The following DOP1A variants were observed in gnomAD, a reference collection of about 807,000 sequenced individuals.
The protein encoded by DOP1A is protein DOP1A.
Under a neutral mutation model 267.6 loss-of-function variants are expected in DOP1A, and 90 were observed. The ratio of observed to expected loss-of-function variants is 0.34; its 90% CI spans 0.28 to 0.40. The LOEUF (loss-of-function observed/expected upper bound fraction) is 0.40, where lower values mean the gene tolerates loss of function less well. DOP1A is among the 10% of genes least tolerant of loss of function. DOP1A has a pLI of 1.00. For missense variants in DOP1A, 2,437 were observed against 2,900.4 expected, an observed-to-expected ratio of 0.84 and a Z score of 3.67; for synonymous variants, 932 against 999.1, an observed-to-expected ratio of 0.93 and a Z score of 1.27.
At position 83,125,183 on chromosome 6, in the gene DOP1A, G is replaced by A; in HGVS notation, c.1473G>A (p.Arg491=). 2 of 1,581,958 alleles carry A rather than the reference G, an allele frequency of 1.3e-6. No homozygotes were observed. The highest frequency in any genetic ancestry group is 1.7e-6 in the Non-Finnish European group (2 of 1,170,936). ...TTTTGAAGCCTACTAGAAGTATGAG[G>A]GTGCTGTGTCAGGTATGACATTCAG... ...DIVSLPTRSM[R]VLCQETYIEI... is the part of the protein sequence containing the mutation. Residue 491 remains arginine (R), a synonymous_variant, in exon 14 of 39, where the codon AGG becomes AGA. Coordinates refer to ENST00000349129, the MANE Select transcript of DOP1A (RefSeq NM_015018.4).
intron 17 of DOP1A, 26 bp downstream of exon 17, chr6:83,130,423 A>G: frequency 6.3e-7 from 1 of 1,591,828 alleles, no homozygotes. Context: ...TGCATATATG[A>G]CTATGATGAT....
At chr6:83,126,973 A>C (rs1273996930) in intron 15 of DOP1A, among the ~76,000 whole-genome samples, 1 of 152,036 alleles carries the variant, frequency 6.6e-6, no homozygotes, top group East Asian at 1.9e-4. Context: ...CGGGGATGAA[A>C]TCATAGGGAG....
At chr6:83,122,566 C>T (rs1776536318) in intron 11 of DOP1A, among the ~76,000 whole-genome samples, 1 of 151,938 alleles carries the variant, frequency 6.6e-6, no homozygotes, top group Non-Finnish European at 1.5e-5. Flanking sequence ...AATTTACAGT[C>T]CCACACACTA....
intron 26 of DOP1A, among the ~76,000 whole-genome samples, chr6:83,147,502 C>T (rs908121477): frequency 4.6e-5 from 7 of 152,126 alleles, no homozygotes; most frequent in African/African-American, 1.7e-4. Flanking sequence ...GTTGAACCTA[C>T]TCTCGAAACT....
At chr6:83,165,203 AAGTC>A (rs1785169580) in intron 38 of DOP1A, 2 of 153,244 alleles carry the variant, frequency 1.3e-5, no homozygotes, top group Admixed American at 6.5e-5. Context: ...GGAAATGTGA[AAGTC>A]AGTCACAGGA....
At chr6:83,093,208 T>C (rs1428823312) in intron 1 of DOP1A, among the ~76,000 whole-genome samples, 2 of 152,240 alleles carry the variant, frequency 1.3e-5, no homozygotes, top group African/African-American at 4.8e-5. Context: ...CACCCAAACA[T>C]AGTGCTTGGC....
At chr6:83,126,164 T>A (rs1047996989) in intron 15 of DOP1A, among the ~76,000 whole-genome samples, 11 of 151,180 alleles carry the variant, frequency 7.3e-5, no homozygotes, top group Non-Finnish European at 1.3e-4. Context: ...TCGTGCTGAT[T>A]GGTTTGTGAG....
chr6:83,164,427 T>G (rs1167862552), intron 38 of DOP1A, among the ~76,000 whole-genome samples: 2 of 152,046 alleles, frequency 1.3e-5, no homozygotes, highest in Non-Finnish European at 2.9e-5. Flanking sequence ...CAGGCACATG[T>G]CCTTTTCTGT....
chr6:83,110,044 C>G (rs887938046), intron 5 of DOP1A, 81 bp from the exon 6 acceptor site: 1 of 1,430,524 alleles, frequency 7.0e-7, no homozygotes, highest in Non-Finnish European at 9.3e-7. Context: ...TGTTTGCATA[C>G]ATTTTTGGAA....
chr6:83,122,698 A>T (rs1487454153), intron 11 of DOP1A, among the ~76,000 whole-genome samples, 165 bp from the exon 12 acceptor site: 4 of 152,010 alleles, frequency 2.6e-5, no homozygotes, highest in Non-Finnish European at 4.4e-5. Flanking sequence ...TGCCCATAAA[A>T]TGATAGGAGA....
At chr6:83,077,263 A>C (rs983778637) in intron 1 of DOP1A, among the ~76,000 whole-genome samples, 1 of 152,232 alleles carries the variant, frequency 6.6e-6, no homozygotes, top group African/African-American at 2.4e-5. Flanking sequence ...ACACTTTGGA[A>C]GGCCAAGGCC....
chr6:83,083,954 C>T (rs1178161004), intron 1 of DOP1A, among the ~76,000 whole-genome samples: 2 of 152,094 alleles, frequency 1.3e-5, no homozygotes, highest in African/African-American at 2.4e-5. Flanking sequence ...TTATAGCATT[C>T]AGAGACAATT....
At chr6:83,086,047 A>G (rs1226605813) in intron 1 of DOP1A, among the ~76,000 whole-genome samples, 1 of 152,132 alleles carries the variant, frequency 6.6e-6, no homozygotes, top group Non-Finnish European at 1.5e-5. Flanking sequence ...CAGTTAACAG[A>G]TGCTATTGGA....
In DOP1A at chr6:83,166,875, AT is replaced by A. The variant is rs765371586; in HGVS notation, c.7093-985del. 10 of 992,462 alleles carry A rather than the reference AT, an allele frequency of 1.0e-5. No homozygotes were observed. In the East Asian group the frequency reaches 4.4e-4, roughly 44 times the overall value. The allele number at this position is 992,462 out of a possible 1,614,324, so 61.5% of individuals were successfully genotyped here. ...CAAACTCCATTTGTTAATATGACAG[AT>A]TGTAATTCTGCTTCCTAAGTCTTCA... is the stretch of plus-strand genomic sequence containing the variant. On this transcript the variant is annotated intron_variant, in intron 38 of 38. Coordinates refer to ENST00000349129, the MANE Select transcript of DOP1A (RefSeq NM_015018.4).
At chr6:83,153,719 C>A in intron 31 of DOP1A, 99 bp downstream of exon 31, 1 of 1,192,468 alleles carries the variant, frequency 8.4e-7, no homozygotes, top group Non-Finnish European at 1.2e-6. Context: ...CATAAAATGG[C>A]ATTTTTACCT....
intron 6 of DOP1A, among the ~76,000 whole-genome samples, chr6:83,112,816 T>C (rs1255186956): frequency 6.6e-6 from 1 of 152,190 alleles, no homozygotes; most frequent in Non-Finnish European, 1.5e-5. Flanking sequence ...GGCAATTCTA[T>C]TTTGAGGAAT....
At position 83,130,403 on chromosome 6, in the gene DOP1A, T is replaced by G; in HGVS notation, c.2616+6T>G. On this transcript the variant is annotated splice_donor_region_variant and intron_variant, in intron 17 of 38. Transcript: ENST00000349129. Reference sequence around the variant, plus strand: ...AGAAGACTGAATTTTTCAAGGTAAATTCTAAGAAATGCATATATGACTATG... The same window carrying G: ...AGAAGACTGAATTTTTCAAGGTAAAGTCTAAGAAATGCATATATGACTATG... 1.2e-6 allele frequency: 2 copies of G among 1,608,686 alleles called. No homozygotes were observed. The highest frequency in any genetic ancestry group is 1.7e-6 in the Non-Finnish European group (2 of 1,177,532).
At chr6:83,152,680 T>C (rs1583138492) in intron 30 of DOP1A, among the ~76,000 whole-genome samples, 1 of 148,726 alleles carries the variant, frequency 6.7e-6, no homozygotes, top group African/African-American at 2.5e-5. Context: ...TCAAGTGGGG[T>C]GATCTCAGCT....
chr6:83,120,336 C>G (rs1194699866), intron 9 of DOP1A, among the ~76,000 whole-genome samples: 3 of 151,678 alleles, frequency 2.0e-5, no homozygotes, highest in African/African-American at 7.3e-5. Context: ...AAATAATTGC[C>G]TAATAGCAGA....
Sources: gnomAD v4.1 joint callset for allele counts (sites outside exome capture counted in the v4.1 genomes callset) on GRCh38, gnomAD v4.1.1 for gene constraint, MANE v1.5 for transcripts, NCBI Gene and HGNC (gene_info 2026-07-23, HGNC 2026-07-21) for gene names.